The following COL16A1 variants were observed in gnomAD, a reference collection of about 807,000 sequenced individuals.
The protein encoded by COL16A1 is collagen type XVI alpha 1 chain.
A neutral mutation model predicts 266.3 loss-of-function variants in COL16A1; 189 were observed. The ratio of observed to expected loss-of-function variants is 0.71; its 90% CI spans 0.63 to 0.80. The LOEUF (loss-of-function observed/expected upper bound fraction) is 0.80. Ranked by LOEUF, COL16A1 falls within the 30% of genes least tolerant of loss-of-function variation. The pLI, the probability that COL16A1 is intolerant of heterozygous loss-of-function variation, is 0.00. For synonymous variants in COL16A1, 740 were observed against 782.3 expected (o/e 0.95, Z 0.90); for missense variants, 1,928 against 2,122.4 (o/e 0.91, Z 1.80).
chr1:31,665,542 A>T, intron 55 of COL16A1, 41 bp downstream of exon 55: 1 of 1,613,970 alleles, frequency 6.2e-7, no homozygotes, highest in Non-Finnish European at 8.5e-7. Context: ...TCCCGATGAG[A>T]CCACATCAGA....
Position 31,699,000 on chromosome 1 carries a change from C to G in COL16A1, c.267-394G>C, listed in dbSNP as rs1231660577. Among the ~76,000 whole-genome samples the G allele has an allele frequency of 6.6e-6, 1 of 152,140 alleles. No homozygotes were observed. Among genetic ancestry groups the G allele is most frequent in the Non-Finnish European group, 1.5e-5 (1 of 68,034 alleles). ...ATCCCAGCTACCCGGGAGGCTGAGG[C>G]AGGAGAATTGCTTGAACCCAGGAGG... is the stretch of plus-strand genomic sequence containing the variant. On this transcript the variant is annotated intron_variant, in intron 4 of 70. Coordinates refer to ENST00000373672, the MANE Select transcript of COL16A1 (RefSeq NM_001856.4). The surrounding 1 kb of genome is among the most constrained non-coding windows in gnomAD (Gnocchi z 4.1).
rs779349296 is a variant in COL16A1, at chr1:31,688,923, C to A, written c.1705G>T (p.Val569Leu). 107 of 1,614,052 alleles carry A rather than the reference C, an allele frequency of 6.6e-5. 1 individual carries two copies. The South Asian group carries it at 1.1e-3, about 16-fold the overall frequency. ...TCTCCACTGGCCCCTGTGGAGGACA[C>A]AAGATGCTGGGCCCCTACAACCGAG... The part of the protein sequence containing the change: ...CSSVVGAQHL[V>L]SSTGASGDVG... The change falls in exon 25 of 71, where the codon GTG (valine) becomes TTG (leucine). Residue 569 changes from valine to leucine, a missense_variant. By Grantham distance (32) the Val-to-Leu change is conservative (BLOSUM62 1). Coordinates refer to ENST00000373672, the MANE Select transcript of COL16A1 (RefSeq NM_001856.4). This position sits in a 1 kb window ranked among gnomAD's most constrained non-coding sequence, Gnocchi z 4.9.
rs776879773 is a variant in COL16A1, at chr1:31,697,285, C to A, written c.673G>T (p.Val225Leu). Residue 225 changes from valine (V) to leucine (L), a missense_variant, in exon 7 of 71, where the codon GTG (valine) becomes TTG (leucine). Val to Leu is a conservative substitution (Grantham distance 32). Transcript: ENST00000373672. The surrounding 1 kb of genome is among the most constrained non-coding windows in gnomAD (Gnocchi z 4.2). ...AGCTCCGGGTCACAGTAGATGTGCA[C>A]CTGCTGAAGGTCAAACTGCAGGAGA... ...GKPVSFDLQQ[V>L]HIYCDPELVL... is the part of the protein sequence containing the mutation. 4 of 1,610,332 alleles carry A rather than the reference C, an allele frequency of 2.5e-6. No homozygotes were observed. The Admixed American group carries it at 6.7e-5, about 27-fold the overall frequency.
At chr1:31,659,938 T>TG (rs1226588573) in intron 62 of COL16A1, 2 of 136,520 alleles carry the variant, frequency 1.5e-5, no homozygotes, top group Non-Finnish European at 3.2e-5. Flanking sequence ...AAAATAGTGA[T>TG]GGGGGCCTGA....
chr1:31,702,435 G>A (rs140859634), intron 1 of COL16A1, among the ~76,000 whole-genome samples: 29 of 152,268 alleles, frequency 1.9e-4, no homozygotes, highest in East Asian at 7.7e-4. Context: ...TTTAACCACC[G>A]GTATGGCACG....
chr1:31,670,766 C>T lies in COL16A1; in HGVS notation c.3151-120G>A. On this transcript the variant is annotated intron_variant, in intron 48 of 70. Transcript: ENST00000373672. The surrounding 1 kb of genome is among the most constrained non-coding windows in gnomAD (Gnocchi z 4.5). Reference sequence around the variant, plus strand: ...GGAGGTCATGGGAGTATTTTCAAGGCAGCTGGAAAAGAGACTCCTTGAAAG... The same window carrying T: ...GGAGGTCATGGGAGTATTTTCAAGGTAGCTGGAAAAGAGACTCCTTGAAAG... The T allele has an allele frequency of 3.7e-6, 3 of 808,508 alleles. No homozygotes were observed. The highest frequency in any genetic ancestry group is 5.2e-6 in the Non-Finnish European group (3 of 572,042). 50.1% of individuals were successfully genotyped at this position (808,508 alleles called of 1,614,324 possible). A position where few individuals can be genotyped will look rare whatever the true frequency, so the allele number is the denominator to read the frequency against.
intron 34 of COL16A1, 104 bp downstream of exon 34, chr1:31,683,603 C>T (rs886198190): frequency 3.7e-6 from 6 of 1,603,868 alleles, no homozygotes; most frequent in Admixed American, 1.7e-5. Flanking sequence ...AAGTCCTGTG[C>T]CTCTGGGGGC....
At chr1:31,669,048 C>G (rs1273282648) in intron 49 of COL16A1, among the ~76,000 whole-genome samples, 193 bp from the exon 50 acceptor site, 1 of 151,982 alleles carries the variant, frequency 6.6e-6, no homozygotes, top group Non-Finnish European at 1.5e-5. Flanking sequence ...GGTGTGAACC[C>G]CACATATGGG....
rs775347013 is a variant in COL16A1, at chr1:31,696,132, G to A, written c.874C>T (p.Gln292Ter). The change falls in exon 9 of 71, where the codon CAG (glutamine) becomes TAG (stop). Residue 292 changes from glutamine (Q) to a stop codon, truncating the protein, a stop_gained. Coordinates refer to ENST00000373672, the MANE Select transcript of COL16A1 (RefSeq NM_001856.4). LOFTEE classifies it high-confidence loss of function. The stretch of plus-strand genomic sequence containing the variant: ...TTCTGGCTGATTCTTCCCGTCAGCT[G>A]GGCATCCACCTGGGCAGACAGAGCA... ...EEPQNSEVDA[Q>*]LTGRISQKAE... 6.2e-7 allele frequency: 1 copy of A among 1,610,928 alleles called. No individual in the cohort carries two copies. The highest frequency in any genetic ancestry group is 8.5e-7 in the Non-Finnish European group (1 of 1,179,556).
intron 34 of COL16A1, 106 bp downstream of exon 34, chr1:31,683,601 T>A: frequency 6.2e-7 from 1 of 1,603,616 alleles, no homozygotes; most frequent in African/African-American, 1.3e-5. Context: ...CTAAGTCCTG[T>A]GCCTCTGGGG....
intron 10 of COL16A1, 94 bp downstream of exon 10, chr1:31,695,667 G>A (rs1442480603): frequency 2.5e-6 from 3 of 1,205,686 alleles, no homozygotes; most frequent in East Asian, 2.4e-5. Context: ...TGTGTAGTCA[G>A]CCAGCACCCC....
At chr1:31,690,234 A>G (rs1279021414) in intron 22 of COL16A1, 133 bp downstream of exon 22, 2 of 1,394,666 alleles carry the variant, frequency 1.4e-6, no homozygotes, top group Non-Finnish European at 1.9e-6. Context: ...CATGGACATC[A>G]GAGGAAGAAC....
chr1:31,678,594 A>C (rs1643375180), intron 42 of COL16A1, among the ~76,000 whole-genome samples: 1 of 152,238 alleles, frequency 6.6e-6, no homozygotes, highest in Non-Finnish European at 1.5e-5. Flanking sequence ...TGAATAAAAG[A>C]ATGGACGTAA....
chr1:31,660,709 G>T, intron 61 of COL16A1, 71 bp from the exon 62 acceptor site: 1 of 1,601,916 alleles, frequency 6.2e-7, no homozygotes, highest in Non-Finnish European at 8.5e-7. Context: ...TGTCGGATGG[G>T]AGGGGGCTGG....
chr1:31,658,262 G>A (rs1280698992), intron 64 of COL16A1, among the ~76,000 whole-genome samples: 1 of 152,256 alleles, frequency 6.6e-6, no homozygotes, highest in East Asian at 1.9e-4. Flanking sequence ...GGTTGATGCT[G>A]AGGCACCGTC....
At position 31,695,796 on chromosome 1, in the gene COL16A1, AGGGTGGG is replaced by A; in HGVS notation, c.919-16_919-10del. ...GCTGTCTCCTGATGGACCTGAGGAA[AGGGTGGG>A]GGGTGTGGGAATGGGCAGGGAGCTC... On this transcript the variant is annotated splice_polypyrimidine_tract_variant and intron_variant, in intron 9 of 70. Transcript: ENST00000373672. The A allele has an allele frequency of 6.5e-7, 1 of 1,543,794 alleles. No individual in the cohort carries two copies. The highest frequency in any genetic ancestry group is 9.0e-7 in the Non-Finnish European group (1 of 1,116,736).
rs1642715236 is a variant in COL16A1 at position 31,671,621 on chromosome 1, G to A, written c.3144C>T (p.Gly1048=). The A allele has an allele frequency of 1.2e-6, 2 of 1,614,060 alleles. No homozygotes were observed. Among genetic ancestry groups the A allele is most frequent in the Non-Finnish European group, 1.7e-6 (2 of 1,180,008 alleles). The change falls in exon 48 of 71, where the codon GGC becomes GGT. Residue 1048 remains glycine, a synonymous_variant. Transcript: ENST00000373672. ...PGMRGSPGPP[G]PIGPPGFPGA... The stretch of plus-strand genomic sequence containing the variant: ...GGGCACCACTGATACTTACGATAGG[G>A]CCTGGAGGACCCGGGGAGCCCCTCA...
chr1:31,698,243 G>A lies in COL16A1; in HGVS notation c.391-71C>T. On this transcript the variant is annotated intron_variant, in intron 5 of 70. Coordinates refer to ENST00000373672, the MANE Select transcript of COL16A1 (RefSeq NM_001856.4). This position sits in a 1 kb window ranked among gnomAD's most constrained non-coding sequence, Gnocchi z 4.1. ...GAGTCACACCATGGGCACGTTCAGG[G>A]ACCTTGAACTCATTTCACAGGAGGG... is the stretch of plus-strand genomic sequence containing the variant. 6.3e-7 allele frequency: 1 copy of A among 1,580,824 alleles called. No homozygotes were observed. Among genetic ancestry groups the A allele is most frequent in the Non-Finnish European group, 8.6e-7 (1 of 1,164,148 alleles).
intron 47 of COL16A1, 152 bp downstream of exon 47, chr1:31,672,264 G>A (rs1181206878): frequency 1.3e-6 from 1 of 778,044 alleles, no homozygotes; most frequent in East Asian, 2.6e-5. Context: ...GCTGGGTCCT[G>A]TGTATCCCAG....
Sources: allele counts gnomAD v4.1 joint callset (sites outside exome capture counted in the v4.1 genomes callset), GRCh38; gene constraint gnomAD v4.1.1; non-coding constraint Gnocchi (gnomAD v3.1); transcripts MANE v1.5; gene names NCBI Gene and HGNC (gene_info 2026-07-23, HGNC 2026-07-21).